Variants in ANGPT4 observed in about 807,000 individuals in gnomAD.
ANGPT4 encodes angiopoietin 4.
A neutral mutation model predicts 53.0 loss-of-function variants in ANGPT4; 50 were observed. That is an observed-to-expected ratio of 0.94 (90% confidence interval 0.75 to 1.20). The LOEUF (loss-of-function observed/expected upper bound fraction) is 1.20. Among genes scored for constraint, ANGPT4 ranks in the 50% most tolerant of loss-of-function variants. The probability of loss-of-function intolerance (pLI) is 0.00; values close to 1 mark genes in which losing one functional copy is unlikely to be tolerated. For synonymous variants in ANGPT4, 251 were observed against 259.7 expected, an observed-to-expected ratio of 0.97 and a Z score of 0.32; for missense variants, 648 against 637.1, an observed-to-expected ratio of 1.02 and a Z score of -0.18.
chr20:877,310 G>C (rs1981206973), intron 7 of ANGPT4, among the ~76,000 whole-genome samples: 1 of 152,194 alleles, frequency 6.6e-6, no homozygotes, highest in Non-Finnish European at 1.5e-5. Flanking sequence ...TTGCAGCCCT[G>C]TGAGTGTGAA....
At chr20:892,517 G>T (rs939256046) in intron 1 of ANGPT4, among the ~76,000 whole-genome samples, 25 of 151,726 alleles carry the variant, frequency 1.6e-4, no homozygotes, top group Non-Finnish European at 1.2e-4. Context: ...GATCGCTGGA[G>T]CCTGGGAGGT....
Position 885,332 on chromosome 20 carries a change from G to T in ANGPT4, c.588-7C>A. The T allele has an allele frequency of 6.4e-7, 1 of 1,573,412 alleles. No individual in the cohort carries two copies. Among genetic ancestry groups the T allele is most frequent in the Non-Finnish European group, 8.6e-7 (1 of 1,165,642 alleles). On this transcript the variant is annotated splice_region_variant and splice_polypyrimidine_tract_variant and intron_variant, in intron 3 of 8. Coordinates refer to ENST00000381922, the MANE Select transcript of ANGPT4 (RefSeq NM_015985.4). ...CAACCGCTTCTCGAGCGCGCTGCGG[G>T]GTAGGGGGCGCACAGAGGTGAGCCT...
chr20:910,886 T>C (rs1440064821), intron 1 of ANGPT4, among the ~76,000 whole-genome samples: 4 of 151,504 alleles, frequency 2.6e-5, no homozygotes, highest in Non-Finnish European at 4.4e-5. Flanking sequence ...CTGTGCCAGC[T>C]GTTTCCAGGC....
At position 914,560 on chromosome 20, in the gene ANGPT4, G is replaced by GT. The variant is rs1350465685; in HGVS notation, c.309+1345_309+1346insA. On this transcript the variant is annotated intron_variant, in intron 1 of 8. Transcript: ENST00000381922. The surrounding 1 kb of genome is among the most constrained non-coding windows in gnomAD (Gnocchi z 5.0). ...GGGGCCGAGTGTTAGCAGGGAGCCA[G>GT]GGGGGCAGCCAGGACAGCTATCCTG... Among the ~76,000 whole-genome samples the GT allele has an allele frequency of 6.6e-6, 1 of 151,200 alleles. No individual in the cohort carries two copies. The highest frequency in any genetic ancestry group is 1.5e-5 in the Non-Finnish European group (1 of 67,474).
chr20:876,311 TC>T (rs1410334251), intron 7 of ANGPT4, among the ~76,000 whole-genome samples: 1 of 151,960 alleles, frequency 6.6e-6, no homozygotes, highest in African/African-American at 2.4e-5. Flanking sequence ...GTTGGCTCAG[TC>T]CCCACACCTC....
At chr20:899,647 A>C (rs1022991492) in intron 1 of ANGPT4, among the ~76,000 whole-genome samples, 1 of 152,166 alleles carries the variant, frequency 6.6e-6, no homozygotes, top group Admixed American at 6.5e-5. Flanking sequence ...CAAGTCTTAC[A>C]GGCTGGTCCA....
Position 879,832 on chromosome 20 carries a change from T to G in ANGPT4, c.968A>C (p.Gln323Pro). Residue 323 changes from glutamine (Q) to proline (P), a missense_variant, in exon 6 of 9, where the codon CAG becomes CCG. Coordinates refer to ENST00000381922, the MANE Select transcript of ANGPT4 (RefSeq NM_015985.4). ...GAGGGTCCACCTGCCTCCACTGCTC[T>G]GCAGGTCACAGAACACCTGGAGGGG... Reference protein sequence around the residue: ...TKPRKVFCDLQSSGGRWTLIQ... With the variant: ...TKPRKVFCDLPSSGGRWTLIQ... The G allele has an allele frequency of 6.2e-7, 1 of 1,612,794 alleles. No homozygotes were observed. Among genetic ancestry groups the G allele is most frequent in the Non-Finnish European group, 8.5e-7 (1 of 1,179,358 alleles).
rs549151835 is a variant in ANGPT4 at position 914,592 on chromosome 20, G to C, written c.309+1314C>G. On this transcript the variant is annotated intron_variant, in intron 1 of 8. Transcript: ENST00000381922. This position sits in a 1 kb window ranked among gnomAD's most constrained non-coding sequence, Gnocchi z 5.0. Reference sequence around the variant, plus strand: ...AGCCAGGACAGCTATCCTGCCTGGAGCCAGAGGTGGTTGTCAAGCTTGTCT... The same window carrying C: ...AGCCAGGACAGCTATCCTGCCTGGACCCAGAGGTGGTTGTCAAGCTTGTCT... 6.6e-6 allele frequency among the ~76,000 whole-genome samples: 1 copy of C among 152,102 alleles called. No individual in the cohort carries two copies. Among genetic ancestry groups the C allele is most frequent in the Non-Finnish European group, 1.5e-5 (1 of 68,008 alleles).
Position 872,668 on chromosome 20 carries a change from G to A in ANGPT4, c.*292C>T. On this transcript the variant is annotated 3_prime_UTR_variant, in exon 9 of 9. Transcript: ENST00000381922. ...GGGAATCAAGTTTGGTCTGTTCTCA[G>A]CCCATTCAAGGTACTGTGACCCTCA... The A allele has an allele frequency of 2.5e-6, 1 of 395,980 alleles. No homozygotes were observed. The allele number at this position is 395,980 out of a possible 1,614,324, so 24.5% of individuals were successfully genotyped here. A position where few individuals can be genotyped will look rare whatever the true frequency, so the allele number is the denominator to read the frequency against.
At chr20:901,147 C>A (rs997703074) in intron 1 of ANGPT4, among the ~76,000 whole-genome samples, 1 of 152,174 alleles carries the variant, frequency 6.6e-6, no homozygotes, top group African/African-American at 2.4e-5. Context: ...CACCCCAACA[C>A]TTCACCTCTA....
At chr20:888,489 G>C in intron 2 of ANGPT4, 50 bp from the exon 3 acceptor site, 1 of 1,567,672 alleles carries the variant, frequency 6.4e-7, no homozygotes, top group South Asian at 1.2e-5. Context: ...CGCTACAGGA[G>C]CCCTGCCCAA....
intron 1 of ANGPT4, 33 bp from the exon 2 acceptor site, chr20:890,401 AG>A: frequency 1.1e-6 from 1 of 921,396 alleles, no homozygotes. Context: ...GTCACGGGGG[AG>A]GGGCGGGGGA....
chr20:910,504 G>A (rs746375655), intron 1 of ANGPT4, among the ~76,000 whole-genome samples: 5 of 152,204 alleles, frequency 3.3e-5, no homozygotes, highest in Admixed American at 2.6e-4. Context: ...AGACCCCACA[G>A]CCAACTCTCA....
At chr20:885,934 C>T (rs1174956807) in intron 3 of ANGPT4, among the ~76,000 whole-genome samples, 1 of 152,070 alleles carries the variant, frequency 6.6e-6, no homozygotes, top group African/African-American at 2.4e-5. Context: ...CTGGAAAGAC[C>T]GCAGTGGTGC....
chr20:873,222 T>C, intron 8 of ANGPT4, 102 bp from the exon 9 acceptor site: 2 of 1,021,412 alleles, frequency 2.0e-6, no homozygotes, highest in Non-Finnish European at 2.6e-6. Flanking sequence ...TAATCGGGGC[T>C]GTTGCCTCCT....
At chr20:889,690 A>G (rs1981758797) in intron 2 of ANGPT4, among the ~76,000 whole-genome samples, 1 of 152,136 alleles carries the variant, frequency 6.6e-6, no homozygotes, top group Admixed American at 6.5e-5. Flanking sequence ...ACTAGACACC[A>G]GTCTTCTCAA....
At position 881,358 on chromosome 20, in the gene ANGPT4, T is replaced by C. The variant is rs1981399826; in HGVS notation, c.836-72A>G. 5 of 1,369,706 alleles carry C rather than the reference T, an allele frequency of 3.7e-6. No individual in the cohort carries two copies. The East Asian group carries it at 1.2e-4, about 32-fold the overall frequency. 84.8% of individuals were successfully genotyped at this position (1,369,706 alleles called of 1,614,324 possible). A position where few individuals can be genotyped will look rare whatever the true frequency, so the allele number is the denominator to read the frequency against. On this transcript the variant is annotated intron_variant, in intron 4 of 8. Coordinates refer to ENST00000381922, the MANE Select transcript of ANGPT4 (RefSeq NM_015985.4). ...AGAGAAGGGGCCAAGTGGGCATGCC[T>C]GCCTGCTTTGTGCCAGGTTCTGGGT... is the stretch of plus-strand genomic sequence containing the variant.
rs1038250695 is a variant in ANGPT4, at chr20:908,230, C to A, written c.309+7676G>T. Among the ~76,000 whole-genome samples, 1 of 152,188 alleles carries A rather than the reference C, an allele frequency of 6.6e-6. No homozygotes were observed. Among genetic ancestry groups the A allele is most frequent in the African/African-American group, 2.4e-5 (1 of 41,436 alleles). On this transcript the variant is annotated intron_variant, in intron 1 of 8. Coordinates refer to ENST00000381922, the MANE Select transcript of ANGPT4 (RefSeq NM_015985.4). The surrounding 1 kb of genome is among the most constrained non-coding windows in gnomAD (Gnocchi z 4.9). ...AGTCTCCATGGTCCTCCACGGAGAACAGGGTCAGGACCAGGGACATCTGTC... is the reference window on the plus strand; with the variant it reads ...AGTCTCCATGGTCCTCCACGGAGAAAAGGGTCAGGACCAGGGACATCTGTC...
chr20:915,765 A>G (rs1600070135), intron 1 of ANGPT4, 141 bp downstream of exon 1: 1 of 1,096,282 alleles, frequency 9.1e-7, no homozygotes, highest in Non-Finnish European at 1.3e-6. Context: ...GTGGCCTCAG[A>G]CCCACCCCTG....
Sources: gnomAD v4.1 joint callset for allele counts (sites outside exome capture counted in the v4.1 genomes callset) on GRCh38, gnomAD v4.1.1 for gene constraint, Gnocchi (gnomAD v3.1) non-coding constraint, MANE v1.5 for transcripts, NCBI Gene and HGNC (gene_info 2026-07-23, HGNC 2026-07-21) for gene names.